The following ZFAND3 variants were observed in gnomAD, a reference collection of about 807,000 sequenced individuals.
The protein encoded by ZFAND3 is zinc finger AN1-type containing 3, also known as AN1-type zinc finger protein 3.
In ZFAND3, 10 loss-of-function variants were observed where a neutral mutation model predicts 29.6. The ratio of observed to expected loss-of-function variants is 0.34; its 90% CI spans 0.21 to 0.57. ZFAND3 has a LOEUF of 0.57. ZFAND3 is among the 20% of genes least tolerant of loss of function. The pLI, the probability that ZFAND3 is intolerant of heterozygous loss-of-function variation, is 0.86. For missense variants in ZFAND3, 230 were observed against 304.5 expected (o/e 0.76, Z 1.82); for synonymous variants, 128 against 112.6 (o/e 1.14, Z -0.87).
intron 2 of ZFAND3, among the ~76,000 whole-genome samples, chr6:38,036,904 A>T (rs1240690990): frequency 2.6e-5 from 4 of 152,200 alleles, no homozygotes; most frequent in Non-Finnish European, 5.9e-5. Flanking sequence ...ATGAGCCACC[A>T]TAGCCAGTCT....
intron 1 of ZFAND3, among the ~76,000 whole-genome samples, chr6:37,842,394 A>G (rs1764094833): frequency 6.6e-6 from 1 of 152,128 alleles, no homozygotes; most frequent in Admixed American, 6.6e-5. Flanking sequence ...CCTGTTTTGA[A>G]AGTCGTATAA....
rs764987727 is a variant in ZFAND3, at chr6:38,152,287, C to T, written c.582C>T (p.Phe194=). 11 of 1,606,238 alleles carry T rather than the reference C, an allele frequency of 6.8e-6. No homozygotes were observed. The highest frequency in any genetic ancestry group is 1.1e-5 in the South Asian group (1 of 89,910). Residue 194 remains phenylalanine (F), a synonymous_variant, in exon 6 of 6, where the codon TTC becomes TTT. Coordinates refer to ENST00000287218, the MANE Select transcript of ZFAND3 (RefSeq NM_021943.3). ...HRLPEQHDCT[F]DHMGRGREEA... Reference sequence around the variant, plus strand: ...TCCCCGAGCAGCACGACTGCACATTCGACCACATGGGCCGTGGCCGGGAGG... The same window carrying T: ...TCCCCGAGCAGCACGACTGCACATTTGACCACATGGGCCGTGGCCGGGAGG...
intron 2 of ZFAND3, among the ~76,000 whole-genome samples, chr6:38,060,915 A>G (rs1309201249): frequency 2.0e-5 from 3 of 152,146 alleles, no homozygotes; most frequent in African/African-American, 7.2e-5. Context: ...GGCCTTCCAT[A>G]TATGATTTTT....
intron 1 of ZFAND3, among the ~76,000 whole-genome samples, chr6:37,863,947 T>G (rs1434200824): frequency 6.6e-6 from 1 of 152,168 alleles, no homozygotes; most frequent in Non-Finnish European, 1.5e-5. Flanking sequence ...TCCATCTCCA[T>G]GATTTGTCAC....
At chr6:37,950,496 G>A (rs1035097913) in intron 2 of ZFAND3, among the ~76,000 whole-genome samples, 61 of 151,890 alleles carry the variant, frequency 4.0e-4, no homozygotes, top group Admixed American at 1.0e-3. Context: ...TCCTGCCTCA[G>A]CCTCCCACGT....
chr6:38,138,689 G>T (rs1765890477), intron 5 of ZFAND3, among the ~76,000 whole-genome samples: 1 of 152,216 alleles, frequency 6.6e-6, no homozygotes, highest in African/African-American at 2.4e-5. Flanking sequence ...AGTGTGAGGA[G>T]TAAGGAAAAG....
chr6:37,836,336 A>G (rs1349003714), intron 1 of ZFAND3, among the ~76,000 whole-genome samples: 1 of 152,210 alleles, frequency 6.6e-6, no homozygotes, highest in African/African-American at 2.4e-5. Flanking sequence ...ATAGAGTGAA[A>G]AGATAACTAA....
At chr6:38,024,649 A>G (rs963696626) in intron 2 of ZFAND3, among the ~76,000 whole-genome samples, 1 of 152,274 alleles carries the variant, frequency 6.6e-6, no homozygotes. Context: ...CAGATGATAC[A>G]TGCTACAACA....
At chr6:38,008,619 TCTC>T (rs1312240511) in intron 2 of ZFAND3, among the ~76,000 whole-genome samples, 2 of 152,142 alleles carry the variant, frequency 1.3e-5, no homozygotes, top group Non-Finnish European at 2.9e-5. Flanking sequence ...TCTCACCTCT[TCTC>T]TTTCTCTCCT....
chr6:37,970,647 T>C (rs1762370500), intron 2 of ZFAND3, among the ~76,000 whole-genome samples: 1 of 152,170 alleles, frequency 6.6e-6, no homozygotes, highest in African/African-American at 2.4e-5. Context: ...TCAACGCCTG[T>C]AATCCCAGCA....
At chr6:38,046,992 G>C (rs956249709) in intron 2 of ZFAND3, among the ~76,000 whole-genome samples, 9 of 151,962 alleles carry the variant, frequency 5.9e-5, no homozygotes, top group Admixed American at 3.3e-4. Flanking sequence ...AAAGTGTACT[G>C]ATCTAGTATT....
intron 2 of ZFAND3, among the ~76,000 whole-genome samples, chr6:37,980,936 T>G (rs759172820): frequency 2.4e-4 from 36 of 152,226 alleles, no homozygotes; most frequent in Non-Finnish European, 3.8e-4. Context: ...TGAAGTAGAT[T>G]CCTGCTGGAA....
intron 5 of ZFAND3, among the ~76,000 whole-genome samples, chr6:38,121,028 C>G (rs1385601940): frequency 6.6e-6 from 1 of 152,188 alleles, no homozygotes; most frequent in Non-Finnish European, 1.5e-5. Flanking sequence ...AATACAGAAT[C>G]TAAGAGCTTA....
At chr6:37,887,670 A>G (rs1765020684) in intron 1 of ZFAND3, among the ~76,000 whole-genome samples, 1 of 152,212 alleles carries the variant, frequency 6.6e-6, no homozygotes, top group Non-Finnish European at 1.5e-5. Flanking sequence ...TAAATATACC[A>G]TGTATGCATC....
intron 1 of ZFAND3, among the ~76,000 whole-genome samples, chr6:37,840,080 T>C (rs1171629401): frequency 6.6e-6 from 1 of 152,202 alleles, no homozygotes; most frequent in Non-Finnish European, 1.5e-5. Context: ...TTAGCTCTTA[T>C]TTTACATTTA....
chr6:37,902,897 A>G (rs927459401), intron 1 of ZFAND3, among the ~76,000 whole-genome samples: 9 of 152,040 alleles, frequency 5.9e-5, no homozygotes, highest in Admixed American at 1.3e-4. Flanking sequence ...CCATTTACTT[A>G]ACATTTTACA....
chr6:37,846,117 G>T (rs970500218), intron 1 of ZFAND3, among the ~76,000 whole-genome samples: 2 of 152,104 alleles, frequency 1.3e-5, no homozygotes, highest in African/African-American at 4.8e-5. Context: ...TCCTGTTATA[G>T]CCCTGATTCA....
chr6:37,849,567 C>T (rs1188608603), intron 1 of ZFAND3, among the ~76,000 whole-genome samples: 1 of 152,002 alleles, frequency 6.6e-6, no homozygotes, highest in East Asian at 1.9e-4. Context: ...CACCACTATG[C>T]CTGGCTAATT....
chr6:37,916,882 C>G (rs775420163), intron 1 of ZFAND3, among the ~76,000 whole-genome samples: 18 of 152,278 alleles, frequency 1.2e-4, no homozygotes, highest in Admixed American at 1.2e-3. Context: ...CGAATCATCC[C>G]CTTCTCCAGT....
Sources: allele counts gnomAD v4.1 joint callset (sites outside exome capture counted in the v4.1 genomes callset), GRCh38; gene constraint gnomAD v4.1.1; transcripts MANE v1.5; gene names NCBI Gene and HGNC (gene_info 2026-07-23, HGNC 2026-07-21).